The following RIC3 variants were observed in gnomAD, a reference collection of about 807,000 sequenced individuals.
RIC3 encodes the protein RIC3 acetylcholine receptor chaperone.
Under a neutral mutation model 27.3 loss-of-function variants are expected in RIC3, and 28 were observed. The ratio of observed to expected loss-of-function variants is 1.02; its 90% CI spans 0.76 to 1.41. The LOEUF (loss-of-function observed/expected upper bound fraction) is 1.41, where lower values mean the gene tolerates loss of function less well. RIC3 is among the 40% of genes most tolerant of loss of function. The pLI is 0.00. For missense variants in RIC3, 501 were observed against 444.7 expected (o/e 1.13, Z -1.14); for synonymous variants, 184 against 160.4 (o/e 1.15, Z -1.11).
chr11:8,154,829 T>C (rs1178391429), intron 1 of RIC3, among the ~76,000 whole-genome samples: 1 of 152,228 alleles, frequency 6.6e-6, no homozygotes. Flanking sequence ...GTAGGTTTTC[T>C]AATCTAGAAA....
chr11:8,153,894 T>C (rs903020069), intron 1 of RIC3, among the ~76,000 whole-genome samples: 1 of 152,206 alleles, frequency 6.6e-6, no homozygotes, highest in Admixed American at 6.5e-5. Flanking sequence ...CTACAACCTC[T>C]GCTACCTGTG....
At chr11:8,096,640 T>C in the RIC3 span, 19 of 1,332,188 alleles carry the variant, frequency 1.4e-5, no homozygotes, top group African/African-American at 2.9e-5. Context: ...AGGGGCAGCG[T>C]AGACTTCTCC....
chr11:8,101,452 C>T, downstream of RIC3: 4 of 1,606,666 alleles, frequency 2.5e-6, no homozygotes, highest in Non-Finnish European at 3.4e-6. Flanking sequence ...CCTGTCCTGT[C>T]CTTTTCTCTG....
At chr11:8,117,951 G>A (rs866873386) in intron 5 of RIC3, among the ~76,000 whole-genome samples, 7 of 151,960 alleles carry the variant, frequency 4.6e-5, no homozygotes, top group East Asian at 1.9e-4. Flanking sequence ...GGCTGGGCAC[G>A]GTCGCTCACG....
intron 4 of RIC3, among the ~76,000 whole-genome samples, chr11:8,128,964 C>G (rs1225414094): frequency 1.3e-5 from 2 of 151,888 alleles, no homozygotes; most frequent in Non-Finnish European, 2.9e-5. Flanking sequence ...CCGTGTTAGC[C>G]AGGATGGTCT....
intron 4 of RIC3, among the ~76,000 whole-genome samples, chr11:8,136,442 C>T (rs754384129): frequency 2.0e-5 from 3 of 152,174 alleles, no homozygotes; most frequent in Non-Finnish European, 2.9e-5. Flanking sequence ...GAAACTGAAC[C>T]CTTCTTTGTC....
intron 1 of RIC3, among the ~76,000 whole-genome samples, chr11:8,145,121 G>A (rs1228358268): frequency 1.4e-5 from 2 of 145,226 alleles, no homozygotes; most frequent in Admixed American, 6.9e-5. Context: ...CATGGCACAT[G>A]TATACATATG....
chr11:8,121,966 C>G (rs926410665), intron 5 of RIC3, among the ~76,000 whole-genome samples: 1 of 152,048 alleles, frequency 6.6e-6, no homozygotes, highest in Non-Finnish European at 1.5e-5. Context: ...CAGTGGCATG[C>G]ACCTGGAGTC....
the RIC3 span, among the ~76,000 whole-genome samples, chr11:8,096,493 T>G: frequency 6.6e-5 from 10 of 152,336 alleles, no homozygotes; most frequent in South Asian, 1.5e-3. Context: ...GAATATCCTT[T>G]TATATCTGGA....
the RIC3 span, among the ~76,000 whole-genome samples, chr11:8,094,670 G>C: frequency 2.6e-5 from 4 of 152,188 alleles, no homozygotes; most frequent in African/African-American, 9.7e-5. Flanking sequence ...CCACAGACCA[G>C]CCTGTTCCCT....
chr11:8,153,882 A>G (rs1950452066), intron 1 of RIC3, among the ~76,000 whole-genome samples: 1 of 152,134 alleles, frequency 6.6e-6, no homozygotes, highest in Non-Finnish European at 1.5e-5. Flanking sequence ...CAGGCTTGAG[A>G]CCTACAACCT....
At chr11:8,101,674 G>T, downstream of RIC3, 1 of 1,597,330 alleles carries the variant, frequency 6.3e-7, no homozygotes, top group Non-Finnish European at 8.5e-7. Flanking sequence ...TTGCCTGCCT[G>T]CCTGTGGAGA....
At chr11:8,114,643 C>T (rs1042985009) in intron 5 of RIC3, among the ~76,000 whole-genome samples, 6 of 149,072 alleles carry the variant, frequency 4.0e-5, no homozygotes, top group Non-Finnish European at 7.4e-5. Context: ...AAAAAGAAGA[C>T]ACATGAACTG....
chr11:8,164,514 A>T (rs969891043), intron 1 of RIC3, among the ~76,000 whole-genome samples: 3 of 152,138 alleles, frequency 2.0e-5, no homozygotes, highest in African/African-American at 7.2e-5. Flanking sequence ...GGTGGCTTAC[A>T]CCTGTAATAC....
rs1034968555 is a variant in RIC3 at position 8,110,153 on chromosome 11, C to T, written c.*545G>A. 2 of 170,464 alleles carry T rather than the reference C, an allele frequency of 1.2e-5. No individual in the cohort carries two copies. The highest frequency in any genetic ancestry group is 5.5e-5 in the Admixed American group (1 of 18,054). 10.6% of individuals were successfully genotyped at this position (170,464 alleles called of 1,614,324 possible). On this transcript the variant is annotated 3_prime_UTR_variant, in exon 6 of 6. Coordinates refer to ENST00000309737, the MANE Select transcript of RIC3 (RefSeq NM_001206671.4). ...AATGTTCCTAGGAAGACCCTCGCTG[C>T]GAGGAAGAGGCTTCAGCTTAGACAG... is the stretch of plus-strand genomic sequence containing the variant.
downstream of RIC3, chr11:8,101,515 G>A: frequency 6.2e-7 from 1 of 1,614,212 alleles, no homozygotes; most frequent in Non-Finnish European, 8.5e-7. Flanking sequence ...GTTTGGCCGG[G>A]TAGCAGAGGA....
intron 1 of RIC3, among the ~76,000 whole-genome samples, chr11:8,154,632 T>C (rs1014882726): frequency 7.2e-5 from 11 of 152,218 alleles, no homozygotes; most frequent in African/African-American, 2.2e-4. Flanking sequence ...TAGCATCACA[T>C]TGTATGACCA....
chr11:8,094,021 C>A, the RIC3 span: 4 of 1,613,948 alleles, frequency 2.5e-6, no homozygotes, highest in African/African-American at 2.7e-5. Flanking sequence ...TTCTCTCTCT[C>A]CATCTGGGGA....
intron 1 of RIC3, among the ~76,000 whole-genome samples, chr11:8,150,913 T>C (rs976975735): frequency 3.9e-5 from 6 of 152,190 alleles, no homozygotes; most frequent in African/African-American, 7.2e-5. Context: ...TCTTAATAAG[T>C]GGTGTGGGGA....
Sources: gnomAD v4.1 joint callset for allele counts (sites outside exome capture counted in the v4.1 genomes callset) on GRCh38, gnomAD v4.1.1 for gene constraint, MANE v1.5 for transcripts, NCBI Gene and HGNC (gene_info 2026-07-23, HGNC 2026-07-21) for gene names.